ASIC2: variants seen among roughly 807,000 people sequenced by gnomAD.
The protein encoded by ASIC2 is acid sensing ion channel subunit 2, also known as acid-sensing ion channel 2.
ASIC2 carries 25 observed loss-of-function variants against 57.3 expected under a neutral mutation model. The observed-to-expected ratio is 0.44, with a 90% confidence interval of 0.32 to 0.61. The LOEUF (loss-of-function observed/expected upper bound fraction) is 0.61. ASIC2 is among the 20% of genes least tolerant of loss of function. The probability of loss-of-function intolerance (pLI) is 0.06; values close to 1 mark genes in which losing one functional copy is unlikely to be tolerated. For missense variants in ASIC2, 641 were observed against 738.1 expected (o/e 0.87, Z 1.52); for synonymous variants, 319 against 307.5 (o/e 1.04, Z -0.39).
At chr17:34,031,953 G>A (rs1907633304) in intron 1 of ASIC2, among the ~76,000 whole-genome samples, 1 of 152,174 alleles carries the variant, frequency 6.6e-6, no homozygotes, top group African/African-American at 2.4e-5. Flanking sequence ...ATATTATCCA[G>A]GAGAACTTCC....
chr17:33,086,478 G>A (rs1001065747), intron 3 of ASIC2, among the ~76,000 whole-genome samples: 19 of 152,162 alleles, frequency 1.2e-4, no homozygotes, highest in African/African-American at 4.6e-4. Context: ...ACATATTGAT[G>A]AGTCTAACCT....
At chr17:33,014,211 C>T in intron 9 of ASIC2, 145 bp from the exon 10 acceptor site, 1 of 696,870 alleles carries the variant, frequency 1.4e-6, no homozygotes, top group South Asian at 1.7e-5. Context: ...GCTAGTTTAC[C>T]ATCTTGGGGG....
At chr17:34,097,072 G>A (rs997107574) in intron 1 of ASIC2, among the ~76,000 whole-genome samples, 1 of 152,104 alleles carries the variant, frequency 6.6e-6, no homozygotes, top group Admixed American at 6.5e-5. Context: ...AGCACACAGA[G>A]GAAGGACTTT....
intron 1 of ASIC2, among the ~76,000 whole-genome samples, chr17:33,788,899 TG>T (rs975759755): frequency 6.6e-6 from 1 of 151,904 alleles, no homozygotes. Context: ...CAGGGCCTGT[TG>T]GGGGGGTTGG....
At chr17:33,418,461 G>A (rs1307613124) in intron 1 of ASIC2, among the ~76,000 whole-genome samples, 2 of 152,160 alleles carry the variant, frequency 1.3e-5, no homozygotes, top group African/African-American at 2.4e-5. Flanking sequence ...TGTGCTGAAT[G>A]GTATTGCCTA....
chr17:33,650,723 G>A (rs930684722), intron 1 of ASIC2, among the ~76,000 whole-genome samples: 1 of 152,250 alleles, frequency 6.6e-6, no homozygotes, highest in East Asian at 1.9e-4. Context: ...AAAAGAAACA[G>A]TCTCAAAAGG....
intron 2 of ASIC2, among the ~76,000 whole-genome samples, chr17:33,092,798 G>A (rs909250870): frequency 1.8e-4 from 27 of 152,332 alleles, no homozygotes; most frequent in African/African-American, 6.5e-4. Flanking sequence ...GGGGCTGAGG[G>A]CATGGGATAT....
intron 1 of ASIC2, among the ~76,000 whole-genome samples, chr17:34,142,657 C>T (rs1912303778): frequency 6.6e-6 from 1 of 152,226 alleles, no homozygotes; most frequent in Admixed American, 6.5e-5. Context: ...TTGTCAATTA[C>T]AGCAAACTTG....
chr17:33,966,971 C>T lies in ASIC2; in HGVS notation c.555+189007G>A, dbSNP rs149993437. Among the ~76,000 whole-genome samples the T allele has an allele frequency of 1.3e-3, 191 of 152,066 alleles. 1 individual carries two copies. Among genetic ancestry groups the T allele is most frequent in the Middle Eastern group, 3.4e-3 (1 of 294 alleles). On this transcript the variant is annotated intron_variant, in intron 1 of 9. Transcript: ENST00000359872. Reference sequence around the variant, plus strand: ...GGCCCTGCTCCCCTGTTTCTAGTGTCCTGTTTTATATCCATCCACAGTGGT... The same window carrying T: ...GGCCCTGCTCCCCTGTTTCTAGTGTTCTGTTTTATATCCATCCACAGTGGT...
In ASIC2 at chr17:33,589,960, A is replaced by C. The variant is rs116434092; in HGVS notation, c.556-477893T>G. Among the ~76,000 whole-genome samples the C allele has an allele frequency of 8.4e-3, 1,280 of 152,332 alleles. 23 individuals carry two copies. The highest frequency in any genetic ancestry group is 0.03 in the African/African-American group (1,233 of 41,564). ...TGACCAAGCAAGAGGAAGCAAACACACAGTAGATTAATGCCAAGGGAGGAT... is the reference window on the plus strand; with the variant it reads ...TGACCAAGCAAGAGGAAGCAAACACCCAGTAGATTAATGCCAAGGGAGGAT... On this transcript the variant is annotated intron_variant, in intron 1 of 9. Coordinates refer to the ASIC2 transcript ENST00000359872.
chr17:33,621,527 C>T (rs1905799219), intron 1 of ASIC2, among the ~76,000 whole-genome samples: 2 of 152,166 alleles, frequency 1.3e-5, no homozygotes, highest in African/African-American at 4.8e-5. Flanking sequence ...ATCATCCTCC[C>T]CACAACCCAT....
In ASIC2 at chr17:33,235,335, A is replaced by T. The variant is rs138307537; in HGVS notation, c.708+56073T>A. ...CCTGGCCTCCCTCCCTGTGGGGCTG[A>T]CGTGGGAGGGAGTTCTCTGGTGCTG... On this transcript the variant is annotated intron_variant, in intron 1 of 9. Transcript: ENST00000225823. 2.3e-3 allele frequency among the ~76,000 whole-genome samples: 343 copies of T among 152,260 alleles called. 3 individuals are homozygous for T. In the South Asian group the frequency reaches 0.041, roughly 18 times the overall value.
intron 1 of ASIC2, among the ~76,000 whole-genome samples, chr17:33,824,653 T>C (rs1016538913): frequency 1.3e-5 from 2 of 152,164 alleles, no homozygotes; most frequent in Admixed American, 6.5e-5. Flanking sequence ...CATCTTGAAC[T>C]GTAGCTCCCA....
chr17:33,147,925 G>A (rs1273631907), intron 1 of ASIC2, among the ~76,000 whole-genome samples: 1 of 152,170 alleles, frequency 6.6e-6, no homozygotes, highest in Admixed American at 6.5e-5. Flanking sequence ...GCATAGCTCT[G>A]TATGTTCACT....
Position 33,943,974 on chromosome 17 carries a change from AT to A in ASIC2, c.555+212003del, listed in dbSNP as rs572821159. ...TAACTATAAAAATTCTTAGAGGTTT[AT>A]TTGTGGAAACCACTTGCGTCTGAGG... On this transcript the variant is annotated intron_variant, in intron 1 of 9. Coordinates refer to the ASIC2 transcript ENST00000359872. 2.6e-3 allele frequency among the ~76,000 whole-genome samples: 390 copies of A among 152,216 alleles called. 4 individuals are homozygous for A. The highest frequency in any genetic ancestry group is 4.5e-3 in the Non-Finnish European group (304 of 68,014).
At chr17:33,234,632 AGGTTGGG>A in intron 1 of ASIC2, among the ~76,000 whole-genome samples, 1 of 152,198 alleles carries the variant, frequency 6.6e-6, no homozygotes, top group East Asian at 1.9e-4. Context: ...ACAGTTCTGA[AGGTTGGG>A]AAGTCCAAGA....
At chr17:33,846,350 A>G (rs1025709963) in intron 1 of ASIC2, among the ~76,000 whole-genome samples, 1 of 152,176 alleles carries the variant, frequency 6.6e-6, no homozygotes, top group Non-Finnish European at 1.5e-5. Context: ...AAAGGCCAAT[A>G]GCCACTTGCT....
At chr17:33,023,049 A>G (rs2091843748) in intron 6 of ASIC2, among the ~76,000 whole-genome samples, 1 of 152,230 alleles carries the variant, frequency 6.6e-6, no homozygotes, top group Non-Finnish European at 1.5e-5. Flanking sequence ...GATTACAGGC[A>G]TGAGCCACCA....
intron 1 of ASIC2, among the ~76,000 whole-genome samples, chr17:33,580,936 G>T (rs1904415701): frequency 6.6e-6 from 1 of 152,156 alleles, no homozygotes; most frequent in Non-Finnish European, 1.5e-5. Context: ...TTTGGTTTAT[G>T]CGGTAGGCAA....
Sources: allele counts gnomAD v4.1 joint callset (sites outside exome capture counted in the v4.1 genomes callset), GRCh38; gene constraint gnomAD v4.1.1; transcripts MANE v1.5; gene names NCBI Gene and HGNC (gene_info 2026-07-23, HGNC 2026-07-21).